RAB28: variants seen among roughly 807,000 people sequenced by gnomAD.
RAB28 encodes RAB28, member RAS oncogene family.
In RAB28, 24 loss-of-function variants were observed where a neutral mutation model predicts 31.7. That is an observed-to-expected ratio of 0.76 (90% CI 0.55 to 1.06). RAB28 has a LOEUF of 1.06. RAB28 is among the 50% of genes least tolerant of loss of function. RAB28 has a pLI of 0.00. For synonymous variants in RAB28, 100 were observed against 90.4 expected, an observed-to-expected ratio of 1.11 and a Z score of -0.60; for missense variants, 254 against 258.5, an observed-to-expected ratio of 0.98 and a Z score of 0.12.
At chr4:13,466,282 AC>A (rs952416506) in intron 3 of RAB28, among the ~76,000 whole-genome samples, 3 of 151,936 alleles carry the variant, frequency 2.0e-5, no homozygotes, top group African/African-American at 7.2e-5. Context: ...GAGACAACCT[AC>A]AAATTAAAAT....
chr4:13,393,202 G>A (rs190985238), intron 4 of RAB28, among the ~76,000 whole-genome samples: 2 of 152,350 alleles, frequency 1.3e-5, no homozygotes, highest in Admixed American at 1.3e-4. Context: ...CAACTGCTTA[G>A]GGATGATAGA....
At chr4:13,477,846 T>A (rs1253961374) in intron 2 of RAB28, among the ~76,000 whole-genome samples, 2 of 151,562 alleles carry the variant, frequency 1.3e-5, no homozygotes. Flanking sequence ...ATTTTTAAAT[T>A]GGTAGTGCTG....
In RAB28 at chr4:13,452,798, C is replaced by T. The variant is rs80155613; in HGVS notation, c.391+7901G>A. Among the ~76,000 whole-genome samples, 695 of 152,144 alleles carry T rather than the reference C, an allele frequency of 4.6e-3. 5 individuals are homozygous for T. Among genetic ancestry groups the T allele is most frequent in the African/African-American group, 0.016 (662 of 41,542 alleles). ...GTCTGTTAGGTGCAGTTTGGTCTAT[C>T]ATGCAGTTTAAATCCAATGTTTATT... On this transcript the variant is annotated intron_variant, in intron 4 of 6. Transcript: ENST00000330852.
chr4:13,378,427 C>T (rs1296944914), intron 5 of RAB28, among the ~76,000 whole-genome samples: 2 of 152,022 alleles, frequency 1.3e-5, no homozygotes, highest in Non-Finnish European at 2.9e-5. Flanking sequence ...CAAAAGTCTG[C>T]TGGAACTGGA....
At chr4:13,465,807 ACTT>A (rs1338019827) in intron 3 of RAB28, among the ~76,000 whole-genome samples, 1 of 150,542 alleles carries the variant, frequency 6.6e-6, no homozygotes, top group Admixed American at 6.6e-5. Flanking sequence ...GCATCATACT[ACTT>A]GATTTGAAAC....
chr4:13,472,763 C>T (rs1716176225), intron 3 of RAB28, among the ~76,000 whole-genome samples: 1 of 151,784 alleles, frequency 6.6e-6, no homozygotes, highest in African/African-American at 2.4e-5. Flanking sequence ...CTGTGGCTTC[C>T]CACAAATCTC....
At chr4:13,476,797 T>A (rs1282190338) in intron 2 of RAB28, among the ~76,000 whole-genome samples, 1 of 151,446 alleles carries the variant, frequency 6.6e-6, no homozygotes, top group African/African-American at 2.4e-5. Flanking sequence ...ATTAAGGAAA[T>A]TGTCAGAAAT....
intron 4 of RAB28, among the ~76,000 whole-genome samples, chr4:13,401,775 T>C (rs141470445): frequency 7.2e-5 from 11 of 152,330 alleles, no homozygotes; most frequent in African/African-American, 2.6e-4. Context: ...TTTCTCTATT[T>C]TTTTAATTTC....
intron 4 of RAB28, among the ~76,000 whole-genome samples, chr4:13,440,744 C>T (rs910221587): frequency 2.0e-5 from 3 of 151,814 alleles, no homozygotes; most frequent in African/African-American, 7.3e-5. Context: ...GAATGTGAGT[C>T]CATTTGGAGA....
intron 3 of RAB28, chr4:13,474,091 C>T (rs1476680695): frequency 1.5e-6 from 1 of 671,984 alleles, no homozygotes. Flanking sequence ...ATGTAAATAA[C>T]ATACGAAAGC....
intron 4 of RAB28, among the ~76,000 whole-genome samples, chr4:13,434,386 T>C (rs1713978701): frequency 6.6e-6 from 1 of 152,244 alleles, no homozygotes; most frequent in African/African-American, 2.4e-5. Flanking sequence ...TTAACCATGC[T>C]AAATTCATAT....
chr4:13,397,219 G>T (rs1484661141), intron 4 of RAB28, among the ~76,000 whole-genome samples: 1 of 152,024 alleles, frequency 6.6e-6, no homozygotes, highest in Non-Finnish European at 1.5e-5. Flanking sequence ...ACATGCAAAG[G>T]AATACACATA....
chr4:13,388,524 C>T (rs946584721), intron 4 of RAB28, among the ~76,000 whole-genome samples: 2 of 151,872 alleles, frequency 1.3e-5, no homozygotes, highest in Non-Finnish European at 2.9e-5. Flanking sequence ...CGAACAGGGC[C>T]ACATCAAACT....
intron 4 of RAB28, among the ~76,000 whole-genome samples, chr4:13,394,593 T>C (rs752745383): frequency 6.6e-6 from 1 of 152,194 alleles, no homozygotes; most frequent in East Asian, 1.9e-4. Context: ...TAAGAGGTAG[T>C]TGGACGAAAA....
chr4:13,435,277 A>G (rs1169389369), intron 4 of RAB28, among the ~76,000 whole-genome samples: 1 of 152,104 alleles, frequency 6.6e-6, no homozygotes, highest in Non-Finnish European at 1.5e-5. Context: ...AAGAAGACAG[A>G]TATCTCTCAA....
intron 4 of RAB28, among the ~76,000 whole-genome samples, chr4:13,405,973 C>G (rs1712056058): frequency 6.6e-6 from 1 of 151,910 alleles, no homozygotes; most frequent in Non-Finnish European, 1.5e-5. Context: ...TCAATGGAAA[C>G]TCTAGGTAGC....
intron 4 of RAB28, among the ~76,000 whole-genome samples, chr4:13,450,382 T>C (rs1482046050): frequency 6.6e-6 from 1 of 151,884 alleles, no homozygotes; most frequent in Non-Finnish European, 1.5e-5. Context: ...CCCTCTGACA[T>C]TATTCATCAG....
At chr4:13,375,918 G>A (rs1485967253) in intron 6 of RAB28, among the ~76,000 whole-genome samples, 1 of 152,030 alleles carries the variant, frequency 6.6e-6, no homozygotes, top group Non-Finnish European at 1.5e-5. Flanking sequence ...TGGGGTGGAA[G>A]AAATTGAGCA....
At chr4:13,417,207 C>T (rs911073843) in intron 4 of RAB28, among the ~76,000 whole-genome samples, 11 of 152,216 alleles carry the variant, frequency 7.2e-5, no homozygotes, top group African/African-American at 2.7e-4. Context: ...ATTGCTGAGG[C>T]TTGAGTTGGT....
Sources: gnomAD v4.1 joint callset for allele counts (sites outside exome capture counted in the v4.1 genomes callset) on GRCh38, gnomAD v4.1.1 for gene constraint, MANE v1.5 for transcripts, NCBI Gene and HGNC (gene_info 2026-07-23, HGNC 2026-07-21) for gene names.